FAM186A: variants seen among roughly 807,000 people sequenced by gnomAD.
FAM186A encodes family with sequence similarity 186 member A.
In FAM186A, 163 loss-of-function variants were observed where a neutral mutation model predicts 216.8. The ratio of observed to expected loss-of-function variants is 0.75; its 90% CI spans 0.66 to 0.86. The LOEUF is 0.86. Among genes scored for constraint, FAM186A ranks in the 40% least tolerant of loss-of-function variants. The probability of loss-of-function intolerance (pLI) is 0.00; values close to 1 mark genes in which losing one functional copy is unlikely to be tolerated. For missense variants in FAM186A, 2,184 were observed against 2,746.2 expected, an observed-to-expected ratio of 0.80 and a Z score of 4.58; for synonymous variants, 805 against 1,025.3, an observed-to-expected ratio of 0.79 and a Z score of 4.10.
chr12:50,371,085 C>T (rs989231068), intron 1 of FAM186A, among the ~76,000 whole-genome samples: 5 of 151,924 alleles, frequency 3.3e-5, no homozygotes, highest in South Asian at 2.1e-4. Context: ...AGCAACAGAG[C>T]GAGACTTCAT....
intron 1 of FAM186A, among the ~76,000 whole-genome samples, chr12:50,366,295 C>G (rs1042481569): frequency 1.3e-5 from 2 of 152,112 alleles, no homozygotes; most frequent in African/African-American, 4.8e-5. Context: ...ACATTACAAG[C>G]TAACACATAG....
chr12:50,368,114 C>T (rs902861918), intron 1 of FAM186A, among the ~76,000 whole-genome samples: 1 of 151,654 alleles, frequency 6.6e-6, no homozygotes, highest in African/African-American at 2.4e-5. Context: ...CACTACACTC[C>T]AGCCTGGGTA....
intron 1 of FAM186A, among the ~76,000 whole-genome samples, chr12:50,395,388 C>G (rs552329852): frequency 6.6e-6 from 1 of 152,172 alleles, no homozygotes; most frequent in East Asian, 1.9e-4. Context: ...TGTGCCTGGC[C>G]TGATTTTGTT....
intron 4 of FAM186A, among the ~76,000 whole-genome samples, chr12:50,337,384 T>C (rs1266408642): frequency 6.8e-6 from 1 of 147,550 alleles, no homozygotes; most frequent in African/African-American, 2.5e-5. Flanking sequence ...AGCCTTGACC[T>C]TGTGAGCTCA....
chr12:50,337,289 CTT>C (rs71441358), intron 4 of FAM186A, among the ~76,000 whole-genome samples: 1 of 69,668 alleles, frequency 1.4e-5, no homozygotes, highest in African/African-American at 6.0e-5. Context: ...AGAGATAATT[CTT>C]TTTTTTTTTT....
intron 1 of FAM186A, among the ~76,000 whole-genome samples, chr12:50,370,968 G>A (rs917692297): frequency 3.3e-5 from 5 of 151,670 alleles, no homozygotes; most frequent in Non-Finnish European, 4.4e-5. Flanking sequence ...GCATGGTGGC[G>A]GGTGCCTGTA....
intron 4 of FAM186A, among the ~76,000 whole-genome samples, chr12:50,346,108 T>C (rs1285256151): frequency 6.9e-6 from 1 of 144,570 alleles, no homozygotes; most frequent in African/African-American, 2.6e-5. Flanking sequence ...GAGGCAGAAG[T>C]TGCAGTGAGC....
At chr12:50,394,128 C>T (rs1242834167) in intron 1 of FAM186A, among the ~76,000 whole-genome samples, 1 of 152,068 alleles carries the variant, frequency 6.6e-6, no homozygotes, top group Non-Finnish European at 1.5e-5. Flanking sequence ...CCATATTGGC[C>T]AGTTGGTCTT....
rs1238736546 is a variant in FAM186A, at chr12:50,351,115, G to A, written c.5717C>T (p.Pro1906Leu). ...GGTCCATGTTGCCAGATGCTGCCCA[G>A]GGGTAGAAGGAGCCTGCAGATAGGG... ...QSPYLQAPST[P>L]GQHLATWTLP... Residue 1906 changes from proline to leucine, a missense_variant, in exon 4 of 8, where the codon CCT (proline) becomes CTT (leucine). Transcript: ENST00000327337. 1 of 1,551,582 alleles carries A rather than the reference G, an allele frequency of 6.4e-7. No homozygotes were observed. Among genetic ancestry groups the A allele is most frequent in the Non-Finnish European group, 8.7e-7 (1 of 1,146,980 alleles).
At chr12:50,343,935 T>G (rs1360986735) in intron 4 of FAM186A, among the ~76,000 whole-genome samples, 1 of 143,450 alleles carries the variant, frequency 7.0e-6, no homozygotes, top group Non-Finnish European at 1.5e-5. Context: ...TTTTTTTTTG[T>G]AGAGATGGGG....
At chr12:50,337,629 G>A (rs893373932) in intron 4 of FAM186A, among the ~76,000 whole-genome samples, 3 of 151,568 alleles carry the variant, frequency 2.0e-5, no homozygotes, top group Admixed American at 2.0e-4. Flanking sequence ...CGGGCGCGGC[G>A]GCTCACGCCT....
chr12:50,344,489 A>G (rs1371162518), intron 4 of FAM186A, among the ~76,000 whole-genome samples: 1 of 152,230 alleles, frequency 6.6e-6, no homozygotes, highest in Non-Finnish European at 1.5e-5. Context: ...TGTTGTATAT[A>G]TACCACATTT....
intron 1 of FAM186A, among the ~76,000 whole-genome samples, chr12:50,388,372 C>A (rs753395389): frequency 2.6e-5 from 4 of 152,158 alleles, no homozygotes; most frequent in Non-Finnish European, 4.4e-5. Flanking sequence ...TAATCGCACA[C>A]TTTGGGAGGC....
chr12:50,349,887 A>T (rs1274074234), intron 4 of FAM186A, among the ~76,000 whole-genome samples: 2 of 151,978 alleles, frequency 1.3e-5, no homozygotes, highest in African/African-American at 4.8e-5. Context: ...CCTGGCCTCA[A>T]GTTATCCACC....
At chr12:50,386,646 C>T (rs941438464) in intron 1 of FAM186A, among the ~76,000 whole-genome samples, 1 of 151,610 alleles carries the variant, frequency 6.6e-6, no homozygotes, top group Non-Finnish European at 1.5e-5. Context: ...GATCACTTAA[C>T]GTCAGGAGTT....
chr12:50,357,337 A>G (rs1942987680), intron 3 of FAM186A, among the ~76,000 whole-genome samples: 1 of 151,874 alleles, frequency 6.6e-6, no homozygotes, highest in Non-Finnish European at 1.5e-5. Flanking sequence ...GGTGAACTCT[A>G]CTAAAAAAAC....
rs571399819 is a variant in FAM186A, at chr12:50,342,788, A to G, written c.6503+7541T>C. Among the ~76,000 whole-genome samples the G allele has an allele frequency of 3.3e-4, 49 of 147,088 alleles. No individual in the cohort carries two copies. The South Asian group carries it at 4.3e-3, about 13-fold the overall frequency. On this transcript the variant is annotated intron_variant, in intron 4 of 7. Coordinates refer to ENST00000327337, the MANE Select transcript of FAM186A (RefSeq NM_001145475.3). ...GCTCCCGACCTTTTTTTTTTTTGAGACAATGTCTCGCTCTGTCACCCAGGG... is the reference window on the plus strand; with the variant it reads ...GCTCCCGACCTTTTTTTTTTTTGAGGCAATGTCTCGCTCTGTCACCCAGGG...
Position 50,355,373 on chromosome 12 carries a change from C to T in FAM186A, c.1459G>A (p.Glu487Lys). Residue 487 changes from glutamate (E) to lysine (K), a missense_variant, in exon 4 of 8, where the codon GAG becomes AAG. Around this residue, in one of 7 missense-constraint regions of FAM186A, gnomAD observed 1,132 missense variants for 1,263.4 expected, o/e 0.90. Transcript: ENST00000327337. ...SDNKSGQKVS[E>K]AKPSQYYELQ... ...TCATAGTATTGACTAGGTTTGGCCT[C>T]TGAGACTTTCTGTCCACTTTTATTA... The T allele has an allele frequency of 1.3e-6, 2 of 1,551,428 alleles. No individual in the cohort carries two copies. The highest frequency in any genetic ancestry group is 1.7e-6 in the Non-Finnish European group (2 of 1,146,988).
intron 3 of FAM186A, among the ~76,000 whole-genome samples, chr12:50,358,371 A>T (rs1942998535): frequency 6.6e-6 from 1 of 151,714 alleles, no homozygotes. Context: ...GTTTGAGCTC[A>T]GGAGTTTGAG....
Sources: allele counts gnomAD v4.1 joint callset (sites outside exome capture counted in the v4.1 genomes callset), GRCh38; gene constraint gnomAD v4.1.1; regional missense constraint gnomAD v4.1.1; transcripts MANE v1.5; gene names NCBI Gene and HGNC (gene_info 2026-07-23, HGNC 2026-07-21).